MYT1L: variants seen among roughly 807,000 people sequenced by gnomAD.
MYT1L encodes myelin transcription factor 1 like, also known as myelin transcription factor 1-like protein.
In MYT1L, 12 loss-of-function variants were observed where a neutral mutation model predicts 126.7. That is an observed-to-expected ratio of 0.09 (90% confidence interval 0.06 to 0.15). The LOEUF is 0.15. Among genes scored for constraint, MYT1L ranks in the 10% least tolerant of loss-of-function variants. MYT1L has a pLI of 1.00. For missense variants in MYT1L, 979 were observed against 1,585.2 expected (o/e 0.62, Z 6.49); for synonymous variants, 541 against 604.2 (o/e 0.90, Z 1.53).
intron 11 of MYT1L, among the ~76,000 whole-genome samples, chr2:1,916,122 G>T (rs2052788958): frequency 6.6e-6 from 1 of 151,892 alleles, no homozygotes. Context: ...ACACAAGTTT[G>T]CTATTTTGAG....
chr2:2,158,648 CGCGTAGGTGG>C, intron 3 of MYT1L, among the ~76,000 whole-genome samples: 1 of 149,628 alleles, frequency 6.7e-6, no homozygotes, highest in African/African-American at 2.5e-5. Flanking sequence ...CACACACACA[CGCGTAGGTGG>C]ACACGGGTGC....
At position 1,943,444 on chromosome 2, in the gene MYT1L, T is replaced by C; in HGVS notation, c.153-110A>G. ...CTTGATCAAGGTACTTAAAGGCTTA[T>C]CATGAATGTCATCAGCACAAACACC... On this transcript the variant is annotated intron_variant, in intron 8 of 24. Coordinates refer to ENST00000647738, the MANE Select transcript of MYT1L (RefSeq NM_001303052.2). This position sits in a 1 kb window ranked among gnomAD's most constrained non-coding sequence, Gnocchi z 4.4. 1 of 1,227,346 alleles carries C rather than the reference T, an allele frequency of 8.1e-7. No individual in the cohort carries two copies. The highest frequency in any genetic ancestry group is 1.1e-6 in the Non-Finnish European group (1 of 911,180). 76.0% of individuals were successfully genotyped at this position (1,227,346 alleles called of 1,614,324 possible).
chr2:2,307,914 C>T (rs1427566994), intron 1 of MYT1L, among the ~76,000 whole-genome samples: 2 of 149,844 alleles, frequency 1.3e-5, no homozygotes, highest in Non-Finnish European at 3.0e-5. Context: ...TACACTCTAT[C>T]TATACTCCAC....
intron 3 of MYT1L, among the ~76,000 whole-genome samples, chr2:2,135,291 A>T (rs1370125206): frequency 6.6e-6 from 1 of 152,124 alleles, no homozygotes; most frequent in Admixed American, 6.5e-5. Context: ...TGATGGTTTT[A>T]TAAAGGGGAT....
At chr2:2,208,999 TACAC>T (rs34194445) in intron 2 of MYT1L, among the ~76,000 whole-genome samples, 22,646 of 150,014 alleles carry the variant, frequency 0.15, 1,762 homozygotes, top group African/African-American at 0.19. Context: ...GGGAGGCATT[TACAC>T]ACACACACAC....
intron 4 of MYT1L, among the ~76,000 whole-genome samples, chr2:2,021,192 G>C (rs1014354202): frequency 6.6e-6 from 1 of 152,190 alleles, no homozygotes. Context: ...AGCCAAGAAA[G>C]GCCCAGACTG....
chr2:2,201,607 A>G (rs965302672), intron 2 of MYT1L, among the ~76,000 whole-genome samples: 9 of 152,106 alleles, frequency 5.9e-5, no homozygotes, highest in African/African-American at 2.2e-4. Context: ...CTGAGGCAGG[A>G]GAATCACTTG....
intron 1 of MYT1L, among the ~76,000 whole-genome samples, chr2:2,286,184 T>G (rs908624560): frequency 3.3e-5 from 5 of 152,190 alleles, no homozygotes; most frequent in Non-Finnish European, 5.9e-5. Flanking sequence ...GGTTTCACCA[T>G]GTTGGTCAGG....
At position 1,956,060 on chromosome 2, in the gene MYT1L, TCTATCTAC is replaced by T. The variant is rs1277995602; in HGVS notation, c.153-12734_153-12727del. 2.3e-3 allele frequency among the ~76,000 whole-genome samples: 350 copies of T among 152,306 alleles called. 2 individuals carry two copies. Among genetic ancestry groups the T allele is most frequent in the African/African-American group, 7.5e-3 (311 of 41,566 alleles). On this transcript the variant is annotated intron_variant, in intron 8 of 24. Coordinates refer to ENST00000647738, the MANE Select transcript of MYT1L (RefSeq NM_001303052.2). ...TTCTATGTATCTATGTATCTATCTA[TCTATCTAC>T]CTATCATCTATCTATCCATCTTTGT...
In MYT1L at chr2:1,892,274, G is replaced by C. The variant is rs932861248; in HGVS notation, c.2046C>G (p.Cys682Trp). ...TGCTGCTGCTGGGGCTGGGGTCCTT[G>C]CAGTACCGCTTCGCTGGGGAGACAG... ...PKGYDDAKRYCKDPSPSSSST... is the reference protein window; with the variant it reads ...PKGYDDAKRYWKDPSPSSSST... Residue 682 changes from cysteine to tryptophan, a missense_variant, in exon 15 of 25, where the codon TGC (cysteine) becomes TGG (tryptophan). Cys to Trp is a radical substitution (Grantham distance 215). This residue lies in a region of MYT1L where 57 missense variants were observed against 60.3 expected (regional missense o/e 0.94). Coordinates refer to ENST00000647738, the MANE Select transcript of MYT1L (RefSeq NM_001303052.2). The C allele has an allele frequency of 9.7e-6, 15 of 1,548,676 alleles. No individual in the cohort carries two copies. The highest frequency in any genetic ancestry group is 1.3e-5 in the Non-Finnish European group (15 of 1,146,294).
rs549242519 is a variant in MYT1L, at chr2:2,063,759, G to A, written c.-303-9636C>T. On this transcript the variant is annotated intron_variant, in intron 3 of 24. Coordinates refer to ENST00000647738, the MANE Select transcript of MYT1L (RefSeq NM_001303052.2). ...CTCGGTATGCTGAGGGAGGAGAATCGCTTGAACCTGGGAGGTAGAGGTTAC... is the reference window on the plus strand; with the variant it reads ...CTCGGTATGCTGAGGGAGGAGAATCACTTGAACCTGGGAGGTAGAGGTTAC... Among the ~76,000 whole-genome samples, 14 of 152,228 alleles carry A rather than the reference G, an allele frequency of 9.2e-5. No homozygotes were observed. The East Asian group carries it at 1.7e-3, about 19-fold the overall frequency.
intron 23 of MYT1L, among the ~76,000 whole-genome samples, chr2:1,794,507 A>G (rs1323860355): frequency 1.3e-5 from 2 of 152,228 alleles, no homozygotes; most frequent in Non-Finnish European, 2.9e-5. Flanking sequence ...AGTAAACGGA[A>G]GTCCAACTGC....
At chr2:2,002,026 T>C (rs191135067) in intron 4 of MYT1L, among the ~76,000 whole-genome samples, 65 of 152,302 alleles carry the variant, frequency 4.3e-4, no homozygotes, top group Non-Finnish European at 8.2e-4. Flanking sequence ...ATGTATATTA[T>C]AGAGATTTGA....
chr2:1,796,279 A>C (rs1166887468), intron 23 of MYT1L, among the ~76,000 whole-genome samples: 2 of 152,192 alleles, frequency 1.3e-5, no homozygotes, highest in Non-Finnish European at 2.9e-5. Flanking sequence ...TGTGTTTAGA[A>C]AACATTTCCG....
intron 3 of MYT1L, among the ~76,000 whole-genome samples, chr2:2,143,963 G>GT (rs1339555294): frequency 3.0e-5 from 4 of 134,732 alleles, no homozygotes; most frequent in African/African-American, 1.1e-4. Context: ...GACTATTAGA[G>GT]GGGGAGGGAG....
At chr2:1,838,368 C>T (rs1288170610) in intron 21 of MYT1L, among the ~76,000 whole-genome samples, 1 of 152,144 alleles carries the variant, frequency 6.6e-6, no homozygotes, top group Admixed American at 6.5e-5. Flanking sequence ...CCCCTTTGTT[C>T]ATTCTGTGTT....
At chr2:1,999,555 T>C (rs1292656718) in intron 4 of MYT1L, among the ~76,000 whole-genome samples, 1 of 152,100 alleles carries the variant, frequency 6.6e-6, no homozygotes, top group Admixed American at 6.5e-5. Context: ...AATATAAAAA[T>C]GTATTTTTGC....
intron 3 of MYT1L, among the ~76,000 whole-genome samples, chr2:2,135,976 A>G (rs1259471400): frequency 2.0e-5 from 3 of 152,174 alleles, no homozygotes; most frequent in African/African-American, 7.2e-5. Flanking sequence ...AACCAACCCA[A>G]ATGTTCATCA....
intron 3 of MYT1L, among the ~76,000 whole-genome samples, chr2:2,165,884 T>G (rs887528462): frequency 6.6e-6 from 1 of 150,810 alleles, no homozygotes; most frequent in African/African-American, 2.5e-5. Context: ...TAATAAAATC[T>G]TTTATTTTTC....
Sources: gnomAD v4.1 joint callset for allele counts (sites outside exome capture counted in the v4.1 genomes callset) on GRCh38, gnomAD v4.1.1 for gene constraint, gnomAD v4.1.1 regional missense constraint, Gnocchi (gnomAD v3.1) non-coding constraint, MANE v1.5 for transcripts, NCBI Gene and HGNC (gene_info 2026-07-23, HGNC 2026-07-21) for gene names.